The following BUB1B variants were observed in gnomAD, a reference collection of about 807,000 sequenced individuals.
The protein encoded by BUB1B is mitotic checkpoint serine/threonine-protein kinase BUB1 beta.
In BUB1B, 86 loss-of-function variants were observed where a neutral mutation model predicts 137.7. The ratio of observed to expected loss-of-function variants is 0.62; its 90% CI spans 0.52 to 0.75. BUB1B has a LOEUF of 0.75. Among genes scored for constraint, BUB1B ranks in the 30% least tolerant of loss-of-function variants. The pLI, the probability that BUB1B is intolerant of heterozygous loss-of-function variation, is 0.00. For missense variants in BUB1B, 1,130 were observed against 1,236.9 expected (o/e 0.91, Z 1.30); for synonymous variants, 420 against 417.9 (o/e 1.00, Z -0.06).
chr15:40,213,364 T>C lies in BUB1B; in HGVS notation c.2568T>C (p.His856=). 1 of 1,613,862 alleles carries C rather than the reference T, an allele frequency of 6.2e-7. No individual in the cohort carries two copies. ...TCCAACACAGTGAATATATTACCCA[T>C]GAAATAACAGTGTTGATTATTTATA... ...DLLQHSEYIT[H]EITVLIIYNL... Residue 856 remains histidine (H), a synonymous_variant, in exon 20 of 23, where the codon CAT becomes CAC. Coordinates refer to ENST00000287598, the MANE Select transcript of BUB1B (RefSeq NM_001211.6).
chr15:40,190,069 T>C (rs1490298696), intron 8 of BUB1B, among the ~76,000 whole-genome samples: 1 of 152,230 alleles, frequency 6.6e-6, no homozygotes, highest in Non-Finnish European at 1.5e-5. Context: ...AGTCCCTCCT[T>C]ATCTGTAGGG....
intron 8 of BUB1B, among the ~76,000 whole-genome samples, chr15:40,191,129 C>T (rs2140895111): frequency 6.6e-6 from 1 of 152,252 alleles, no homozygotes; most frequent in Middle Eastern, 3.4e-3. Context: ...CTCAAGTGAT[C>T]CACCCGACTC....
intron 5 of BUB1B, among the ~76,000 whole-genome samples, chr15:40,182,544 G>A (rs1190750168): frequency 1.3e-5 from 2 of 152,144 alleles, no homozygotes; most frequent in Non-Finnish European, 2.9e-5. Flanking sequence ...TGCATGTCCT[G>A]CTTAAGGGTT....
At chr15:40,212,773 A>G in intron 19 of BUB1B, 125 bp downstream of exon 19, 1 of 893,356 alleles carries the variant, frequency 1.1e-6, no homozygotes, top group East Asian at 2.6e-5. Flanking sequence ...AGTATAAGTT[A>G]GAAGCATTGA....
At chr15:40,163,682 G>A (rs2037063377) in intron 1 of BUB1B, among the ~76,000 whole-genome samples, 1 of 152,112 alleles carries the variant, frequency 6.6e-6, no homozygotes, top group African/African-American at 2.4e-5. Context: ...TGTACGGATA[G>A]CTCACATTTA....
intron 4 of BUB1B, 71 bp downstream of exon 4, chr15:40,170,752 A>G: frequency 1.3e-6 from 2 of 1,522,580 alleles, no homozygotes; most frequent in South Asian, 2.3e-5. Flanking sequence ...GGTATCTGGT[A>G]TACCAAAAAA....
intron 8 of BUB1B, among the ~76,000 whole-genome samples, chr15:40,187,263 C>G (rs916567262): frequency 6.6e-5 from 10 of 151,950 alleles, no homozygotes; most frequent in African/African-American, 2.2e-4. Flanking sequence ...GTATCTGGGA[C>G]TACAGGCGCC....
intron 1 of BUB1B, among the ~76,000 whole-genome samples, chr15:40,161,800 GT>G (rs1454467041): frequency 6.6e-6 from 1 of 151,990 alleles, no homozygotes; most frequent in African/African-American, 2.4e-5. Flanking sequence ...GCTTTTCCTT[GT>G]ATTAAAAAAA....
intron 18 of BUB1B, 64 bp from the exon 19 acceptor site, chr15:40,212,435 T>G: frequency 7.5e-7 from 1 of 1,334,416 alleles, no homozygotes; most frequent in Non-Finnish European, 1.1e-6. Flanking sequence ...AGGAATGTGT[T>G]TCAACCTGCC....
intron 16 of BUB1B, among the ~76,000 whole-genome samples, chr15:40,209,183 G>T (rs1406110812): frequency 1.3e-5 from 2 of 152,152 alleles, no homozygotes; most frequent in Admixed American, 1.3e-4. Context: ...ACTTTGGGAG[G>T]CCGAGGCGGG....
chr15:40,205,359 T>A (rs1380887867), intron 14 of BUB1B, among the ~76,000 whole-genome samples: 1 of 152,156 alleles, frequency 6.6e-6, no homozygotes, highest in Non-Finnish European at 1.5e-5. Context: ...AGAAAATTAA[T>A]CTCTGGTATC....
intron 10 of BUB1B, chr15:40,200,001 C>T: frequency 1.7e-6 from 1 of 589,244 alleles, no homozygotes; most frequent in Admixed American, 3.0e-5. Flanking sequence ...TTTATTCTAG[C>T]TATGTTCCAT....
At chr15:40,164,315 A>AC (rs140573450) in intron 1 of BUB1B, among the ~76,000 whole-genome samples, 9,004 of 151,250 alleles carry the variant, frequency 0.06, 879 homozygotes, top group African/African-American at 0.21. Flanking sequence ...TGCAGCTTCG[A>AC]CCCCTGAACC....
chr15:40,217,793 A>G (rs1464622180), intron 21 of BUB1B, 126 bp downstream of exon 21: 3 of 1,146,858 alleles, frequency 2.6e-6, no homozygotes, highest in Non-Finnish European at 3.9e-6. Flanking sequence ...GTTTTCAAAT[A>G]TCACCAAGTC....
At chr15:40,164,573 A>G (rs2037073283) in intron 1 of BUB1B, among the ~76,000 whole-genome samples, 2 of 152,022 alleles carry the variant, frequency 1.3e-5, no homozygotes, top group African/African-American at 4.8e-5. Context: ...GTAGGCATAG[A>G]ATTACTTGTT....
At chr15:40,201,262 A>C (rs563725760) in intron 12 of BUB1B, among the ~76,000 whole-genome samples, 2 of 152,308 alleles carry the variant, frequency 1.3e-5, no homozygotes, top group East Asian at 3.9e-4. Context: ...CAGCAAAGAC[A>C]CTAAGGGAAG....
chr15:40,174,573 C>T (rs1442540323), intron 4 of BUB1B, among the ~76,000 whole-genome samples: 4 of 152,110 alleles, frequency 2.6e-5, no homozygotes, highest in Non-Finnish European at 5.9e-5. Flanking sequence ...CGGACTTAAC[C>T]TGGGCTAGAC....
intron 14 of BUB1B, among the ~76,000 whole-genome samples, chr15:40,205,782 C>A (rs2037629796): frequency 6.6e-6 from 1 of 152,124 alleles, no homozygotes; most frequent in African/African-American, 2.4e-5. Context: ...ATGCATATAT[C>A]CTACCAGACA....
intron 4 of BUB1B, 68 bp from the exon 5 acceptor site, chr15:40,176,409 T>A: frequency 7.3e-7 from 1 of 1,361,154 alleles, no homozygotes; most frequent in South Asian, 1.2e-5. Flanking sequence ...CTCCAGTGAT[T>A]GTTTGGCAAC....
Sources: gnomAD v4.1 joint callset for allele counts (sites outside exome capture counted in the v4.1 genomes callset) on GRCh38, gnomAD v4.1.1 for gene constraint, MANE v1.5 for transcripts, NCBI Gene and HGNC (gene_info 2026-07-23, HGNC 2026-07-21) for gene names.